The following SGSM3 variants were observed in gnomAD, a reference collection of about 807,000 sequenced individuals.
SGSM3 encodes RUN and SH3 containing 3.
SGSM3 carries 96 observed loss-of-function variants against 100.5 expected under a neutral mutation model. The ratio of observed to expected loss-of-function variants is 0.96; its 90% CI spans 0.81 to 1.13. SGSM3 has a LOEUF of 1.13. SGSM3 is among the 50% of genes most tolerant of loss of function. The probability of loss-of-function intolerance (pLI) is 0.00; values close to 1 mark genes in which losing one functional copy is unlikely to be tolerated. For synonymous variants in SGSM3, 483 were observed against 422.8 expected, an observed-to-expected ratio of 1.14 and a Z score of -1.75; for missense variants, 1,001 against 1,015.8, an observed-to-expected ratio of 0.99 and a Z score of 0.20.
At position 40,408,590 on chromosome 22, in the gene SGSM3, C is replaced by T. The variant is rs764851775; in HGVS notation, c.1783-37C>T. ...CCCAAGGGCTTTGAACCAGCATCTT[C>T]CTGTCCCTGCACTCACACCGTGTGC... On this transcript the variant is annotated intron_variant, in intron 16 of 21. Coordinates refer to ENST00000248929, the MANE Select transcript of SGSM3 (RefSeq NM_015705.6). 4.3e-6 allele frequency: 7 copies of T among 1,611,878 alleles called. No homozygotes were observed. In the African/African-American group the frequency reaches 5.3e-5, roughly 12 times the overall value.
At position 40,410,281 on chromosome 22, in the gene SGSM3, T is replaced by TAACA. The variant is rs531181554; in HGVS notation, c.*523_*526dup. On this transcript the variant is annotated 3_prime_UTR_variant, in exon 22 of 22. Coordinates refer to ENST00000248929, the MANE Select transcript of SGSM3 (RefSeq NM_015705.6). ...CTTCCATGGACTGAATAAGATGGAC[T>TAACA]AACAGGCCTGTGTTTTTGTGTTTAT... 817 of 595,420 alleles carry TAACA rather than the reference T, an allele frequency of 1.4e-3. 2 individuals carry two copies. Among genetic ancestry groups the TAACA allele is most frequent in the African/African-American group, 4.6e-3 (239 of 51,764 alleles). The allele number at this position is 595,420 out of a possible 1,614,324, so 36.9% of individuals were successfully genotyped here. A position where few individuals can be genotyped will look rare whatever the true frequency, so the allele number is the denominator to read the frequency against.
chr22:40,397,037 A>G lies in SGSM3; in HGVS notation c.-111-3659A>G, dbSNP rs193182728. Reference sequence around the variant, plus strand: ...AGTACTCCTGTGACAACAGGAGGGCAGCCACCCTGACGTGGCTAACTCTCT... The same window carrying G: ...AGTACTCCTGTGACAACAGGAGGGCGGCCACCCTGACGTGGCTAACTCTCT... On this transcript the variant is annotated intron_variant, in intron 1 of 21. Transcript: ENST00000248929. Among the ~76,000 whole-genome samples the G allele has an allele frequency of 3.3e-5, 5 of 152,308 alleles. No homozygotes were observed. In the East Asian group the frequency reaches 9.6e-4, roughly 29 times the overall value.
chr22:40,376,178 C>CTTTTTT lies in SGSM3; in HGVS notation c.-112+5517_-112+5522dup, dbSNP rs10616868. 9.0e-4 allele frequency: 78 copies of CTTTTTT among 86,872 alleles called. 1 individual carries two copies. The highest frequency in any genetic ancestry group is 2.0e-3 in the South Asian group (4 of 1,988). 5.4% of individuals were successfully genotyped at this position (86,872 alleles called of 1,614,324 possible). On this transcript the variant is annotated intron_variant, in intron 1 of 21. Coordinates refer to ENST00000248929, the MANE Select transcript of SGSM3 (RefSeq NM_015705.6). ...GGATAGGGTTAAAGTCAAATTACCACTTTTTTTTTTTTTTTTTTTTTTTTT... is the reference window on the plus strand; with the variant it reads ...GGATAGGGTTAAAGTCAAATTACCACTTTTTTTTTTTTTTTTTTTTTTTTTTTTTTT...
Position 40,408,846 on chromosome 22 carries a change from A to T in SGSM3, c.1902+4A>T. The T allele has an allele frequency of 6.2e-7, 1 of 1,613,818 alleles. No homozygotes were observed. Among genetic ancestry groups the T allele is most frequent in the East Asian group, 2.2e-5 (1 of 44,866 alleles). ...CCCGGAGGAGCTGCTCTACCGGGTA[A>T]GGGGGCCTCCTCTGCCAGACCCTAG... On this transcript the variant is annotated splice_donor_region_variant and intron_variant, in intron 18 of 21. Transcript: ENST00000248929.
At chr22:40,396,853 A>G (rs1403727446) in intron 1 of SGSM3, among the ~76,000 whole-genome samples, 2 of 152,350 alleles carry the variant, frequency 1.3e-5, no homozygotes, top group East Asian at 1.9e-4. Context: ...CAGGGTGTAT[A>G]GTAAGATCTG....
At position 40,404,552 on chromosome 22, in the gene SGSM3, C is replaced by G; in HGVS notation, c.367-5C>G. ...CTGAGTGCCCTTGCGGCTCCCTTCC[C>G]TCAGCTGTGGATGCGGCTCTCTGGG... On this transcript the variant is annotated splice_region_variant and splice_polypyrimidine_tract_variant and intron_variant, in intron 5 of 21. Transcript: ENST00000248929. The G allele has an allele frequency of 6.2e-7, 1 of 1,613,406 alleles. No individual in the cohort carries two copies.
At chr22:40,381,335 G>A (rs1266959785) in intron 1 of SGSM3, among the ~76,000 whole-genome samples, 3 of 152,002 alleles carry the variant, frequency 2.0e-5, no homozygotes, top group Non-Finnish European at 2.9e-5. Flanking sequence ...TTTTTGTAGT[G>A]ATGAAGCCTC....
intron 1 of SGSM3, among the ~76,000 whole-genome samples, chr22:40,389,697 C>G (rs1408919575): frequency 6.6e-5 from 10 of 150,378 alleles, no homozygotes; most frequent in Non-Finnish European, 1.2e-4. Flanking sequence ...CACCTGAGGT[C>G]AGGAGTTCGA....
intron 1 of SGSM3, among the ~76,000 whole-genome samples, chr22:40,381,272 C>T (rs1443306311): frequency 1.3e-5 from 2 of 152,020 alleles, no homozygotes; most frequent in East Asian, 1.9e-4. Context: ...CTGAGCCTCC[C>T]AAGTAGCTGG....
rs781243633 is a variant in SGSM3 at position 40,406,522 on chromosome 22, C to G, written c.1045C>G (p.Leu349Val). 125 of 1,613,008 alleles carry G rather than the reference C, an allele frequency of 7.7e-5. No homozygotes were observed. Among genetic ancestry groups the G allele is most frequent in the Non-Finnish European group, 9.5e-5 (112 of 1,179,866 alleles). ...CCCGTCGCAGATGGAGGACGCGGAGCTGCTTCTGGGGGTGGCCATGCGGCT... is the reference window on the plus strand; with the variant it reads ...CCCGTCGCAGATGGAGGACGCGGAGGTGCTTCTGGGGGTGGCCATGCGGCT... The part of the protein sequence containing the change: ...DIPSQMEDAE[L>V]LLGVAMRLAG... The change falls in exon 10 of 22, where the codon CTG becomes GTG. Residue 349 changes from leucine (L) to valine (V), a missense_variant. Leu to Val is a conservative substitution (Grantham distance 32). Transcript: ENST00000248929.
At chr22:40,403,187 T>G (rs1354529879) in intron 4 of SGSM3, among the ~76,000 whole-genome samples, 1 of 152,242 alleles carries the variant, frequency 6.6e-6, no homozygotes, top group Non-Finnish European at 1.5e-5. Context: ...TGCACCAAAA[T>G]GTACACCTAA....
At position 40,405,139 on chromosome 22, in the gene SGSM3, A is replaced by G; in HGVS notation, c.475-2A>G. On this transcript the variant is annotated splice_acceptor_variant, in intron 6 of 21. Coordinates refer to ENST00000248929, the MANE Select transcript of SGSM3 (RefSeq NM_015705.6). LOFTEE classifies it high-confidence loss of function. ...TTGTGGGTGCCGATGGCTGCCTGAC[A>G]GATCGAGAAGGACCTGCTCCGCACC... 1 of 1,506,590 alleles carries G rather than the reference A, an allele frequency of 6.6e-7. No homozygotes were observed. Among genetic ancestry groups the G allele is most frequent in the Non-Finnish European group, 8.9e-7 (1 of 1,125,562 alleles). The allele number at this position is 1,506,590 out of a possible 1,614,324, so 93.3% of individuals were successfully genotyped here.
chr22:40,373,738 C>G (rs920628318), intron 1 of SGSM3, among the ~76,000 whole-genome samples: 1 of 151,634 alleles, frequency 6.6e-6, no homozygotes, highest in Non-Finnish European at 1.5e-5. Context: ...GCCTCAGCCT[C>G]CCGAGTAGCT....
chr22:40,409,723 G>A lies in SGSM3; in HGVS notation c.2214G>A (p.Val738=). The A allele has an allele frequency of 1.9e-6, 3 of 1,612,018 alleles. No homozygotes were observed. Among genetic ancestry groups the A allele is most frequent in the Non-Finnish European group, 2.5e-6 (3 of 1,179,784 alleles). Residue 738 remains valine (V), a synonymous_variant, in exon 22 of 22, where the codon GTG becomes GTA. Coordinates refer to ENST00000248929, the MANE Select transcript of SGSM3 (RefSeq NM_015705.6). ...AGGAGGGCGTCCGGGACATGCTGGTGAAGCACCACCTCTTCAGCTGGGATG... is the reference window on the plus strand; with the variant it reads ...AGGAGGGCGTCCGGGACATGCTGGTAAAGCACCACCTCTTCAGCTGGGATG... ...PLKEGVRDML[V]KHHLFSWDVD... is the part of the protein sequence containing the mutation.
In SGSM3 at chr22:40,406,460, A is replaced by G. The variant is rs1344576338; in HGVS notation, c.983A>G (p.Glu328Gly). ...HLKEEELIQS[E>G]NSASIFNTLS... ...CAGGAGGAAGAGCTGATCCAGTCAG[A>G]GAACTCGGCCTCCATCTTCAACACG... The change falls in exon 10 of 22, where the codon GAG becomes GGG. Residue 328 changes from glutamate (E) to glycine (G), a missense_variant. Transcript: ENST00000248929. The G allele has an allele frequency of 1.3e-6, 2 of 1,593,004 alleles. No homozygotes were observed. The highest frequency in any genetic ancestry group is 1.3e-5 in the African/African-American group (1 of 74,792).
intron 4 of SGSM3, among the ~76,000 whole-genome samples, chr22:40,402,864 T>C (rs192310847): frequency 6.1e-4 from 93 of 152,376 alleles, no homozygotes; most frequent in African/African-American, 2.1e-3. Flanking sequence ...CTACTATAAA[T>C]GGACCTTTTG....
Position 40,386,162 on chromosome 22 carries a change from G to A in SGSM3, c.-111-14534G>A, listed in dbSNP as rs188867593. Among the ~76,000 whole-genome samples the A allele has an allele frequency of 1.1e-3, 163 of 152,042 alleles. 1 individual carries two copies. Among genetic ancestry groups the A allele is most frequent in the African/African-American group, 3.7e-3 (154 of 41,438 alleles). On this transcript the variant is annotated intron_variant, in intron 1 of 21. Coordinates refer to ENST00000248929, the MANE Select transcript of SGSM3 (RefSeq NM_015705.6). Reference sequence around the variant, plus strand: ...CCCAGAGTGCTGGGATCACAAATGTGAGCCACCACCTCTCCCAGCCAAGAG... The same window carrying A: ...CCCAGAGTGCTGGGATCACAAATGTAAGCCACCACCTCTCCCAGCCAAGAG...
In SGSM3 at chr22:40,409,889, C is replaced by T; in HGVS notation, c.*130C>T. On this transcript the variant is annotated 3_prime_UTR_variant, in exon 22 of 22. Coordinates refer to ENST00000248929, the MANE Select transcript of SGSM3 (RefSeq NM_015705.6). ...GGGATATCAATATCAGGCTGCCCCACTCCACGTTCCCCAGCACATCCCAGG... is the reference window on the plus strand; with the variant it reads ...GGGATATCAATATCAGGCTGCCCCATTCCACGTTCCCCAGCACATCCCAGG... 7.0e-7 allele frequency: 1 copy of T among 1,430,536 alleles called. No individual in the cohort carries two copies. The highest frequency in any genetic ancestry group is 1.4e-5 in the African/African-American group (1 of 69,648). The allele number at this position is 1,430,536 out of a possible 1,614,324, so 88.6% of individuals were successfully genotyped here.
Position 40,407,358 on chromosome 22 carries a change from A to G in SGSM3, c.1368+30A>G, listed in dbSNP as rs1001783118. 15 of 1,612,954 alleles carry G rather than the reference A, an allele frequency of 9.3e-6. No homozygotes were observed. The highest frequency in any genetic ancestry group is 1.3e-5 in the Non-Finnish European group (15 of 1,179,694). On this transcript the variant is annotated intron_variant, in intron 12 of 21. Coordinates refer to ENST00000248929, the MANE Select transcript of SGSM3 (RefSeq NM_015705.6). The surrounding 1 kb of genome is among the most constrained non-coding windows in gnomAD (Gnocchi z 4.7). ...GTCGCCAGCTCCCTGGGCTGCTACCAAACACGGCCCTAACTCCTCCAACCC... is the reference window on the plus strand; with the variant it reads ...GTCGCCAGCTCCCTGGGCTGCTACCGAACACGGCCCTAACTCCTCCAACCC...
Sources: gnomAD v4.1 joint callset for allele counts (sites outside exome capture counted in the v4.1 genomes callset) on GRCh38, gnomAD v4.1.1 for gene constraint, Gnocchi (gnomAD v3.1) non-coding constraint, MANE v1.5 for transcripts, NCBI Gene and HGNC (gene_info 2026-07-23, HGNC 2026-07-21) for gene names.